The following NDFIP2 variants were observed in gnomAD, a reference collection of about 807,000 sequenced individuals.
NDFIP2 encodes the protein Nedd4 family interacting protein 2.
NDFIP2 carries 19 observed loss-of-function variants against 36.0 expected under a neutral mutation model. That is an observed-to-expected ratio of 0.53 (90% CI 0.37 to 0.77). The LOEUF is 0.77. Among genes scored for constraint, NDFIP2 ranks in the 30% least tolerant of loss-of-function variants. The pLI, the probability that NDFIP2 is intolerant of heterozygous loss-of-function variation, is 0.00. For missense variants in NDFIP2, 446 were observed against 435.8 expected (o/e 1.02, Z -0.21); for synonymous variants, 181 against 167.7 (o/e 1.08, Z -0.61).
chr13:79,517,157 C>G (rs1874381909), intron 1 of NDFIP2, among the ~76,000 whole-genome samples: 1 of 152,046 alleles, frequency 6.6e-6, no homozygotes, highest in Non-Finnish European at 1.5e-5. Flanking sequence ...TTTTCACCAC[C>G]CTGGTTGATA....
chr13:79,546,144 A>G (rs1875668581), intron 5 of NDFIP2, among the ~76,000 whole-genome samples: 1 of 152,214 alleles, frequency 6.6e-6, no homozygotes, highest in African/African-American at 2.4e-5. Flanking sequence ...TAATGCTCCA[A>G]GTAAAACATT....
intron 1 of NDFIP2, among the ~76,000 whole-genome samples, chr13:79,518,586 T>C (rs560444782): frequency 6.6e-6 from 1 of 152,324 alleles, no homozygotes; most frequent in African/African-American, 2.4e-5. Flanking sequence ...TTTAAGGTGA[T>C]GAAATAAACT....
chr13:79,531,133 G>A (rs1421719871), intron 2 of NDFIP2, among the ~76,000 whole-genome samples: 1 of 152,170 alleles, frequency 6.6e-6, no homozygotes, highest in Non-Finnish European at 1.5e-5. Context: ...TAATCTTCTT[G>A]TACATCTCCT....
At position 79,481,295 on chromosome 13, in the gene NDFIP2, C is replaced by T. The variant is rs1404523122; in HGVS notation, c.92C>T (p.Ala31Val). The T allele has an allele frequency of 6.5e-7, 1 of 1,540,154 alleles. No homozygotes were observed. The highest frequency in any genetic ancestry group is 1.2e-5 in the South Asian group (1 of 83,998). Residue 31 changes from alanine to valine, a missense_variant, in exon 1 of 8, where the codon GCG (alanine) becomes GTG (valine). Physicochemically the swap from Ala to Val is moderately conservative, Grantham distance 64. This residue lies in a region of NDFIP2 where 369 missense variants were observed against 304.8 expected (regional missense o/e 1.21). Coordinates refer to ENST00000218652, the MANE Select transcript of NDFIP2 (RefSeq NM_019080.3). ...GCCCCGGAGCTTCTCCGCGGAACCG[C>T]GACCAACGCGGAGGTCTCGGCGGCC... ...RGAPELLRGT[A>V]TNAEVSAAAA...
At chr13:79,537,778 C>T (rs1875300075) in intron 3 of NDFIP2, among the ~76,000 whole-genome samples, 1 of 152,180 alleles carries the variant, frequency 6.6e-6, no homozygotes, top group Non-Finnish European at 1.5e-5. Flanking sequence ...TTGAGCAGAG[C>T]CCTAGCTTCT....
intron 1 of NDFIP2, among the ~76,000 whole-genome samples, chr13:79,482,595 G>T (rs947035111): frequency 6.7e-6 from 1 of 149,290 alleles, no homozygotes; most frequent in African/African-American, 2.5e-5. Context: ...TTAGTCCCAG[G>T]TTTCAACTTT....
chr13:79,552,649 A>G lies in NDFIP2; in HGVS notation c.*136A>G, dbSNP rs954851248. 4.6e-5 allele frequency: 7 copies of G among 151,892 alleles called. No homozygotes were observed. The highest frequency in any genetic ancestry group is 1.7e-4 in the African/African-American group (7 of 41,400). 9.4% of individuals were successfully genotyped at this position (151,892 alleles called of 1,614,324 possible). A position where few individuals can be genotyped will look rare whatever the true frequency, so the allele number is the denominator to read the frequency against. The stretch of plus-strand genomic sequence containing the variant: ...AGAAAAGACGGAGTTTCGAAATTGA[A>G]TGGCAGGGTGGTTTTTGCTTACAAG... On this transcript the variant is annotated 3_prime_UTR_variant, in exon 8 of 8. Coordinates refer to ENST00000218652, the MANE Select transcript of NDFIP2 (RefSeq NM_019080.3).
intron 1 of NDFIP2, among the ~76,000 whole-genome samples, chr13:79,481,863 C>T (rs2079815672): frequency 1.3e-5 from 2 of 152,134 alleles, no homozygotes; most frequent in African/African-American, 4.8e-5. Flanking sequence ...CTCAGTCACT[C>T]CTGAGACATT....
chr13:79,527,695 T>C (rs1418642803), intron 2 of NDFIP2, among the ~76,000 whole-genome samples: 2 of 152,262 alleles, frequency 1.3e-5, no homozygotes, highest in Non-Finnish European at 2.9e-5. Context: ...GTAATGACTA[T>C]ATTACTGATT....
chr13:79,556,013 TTGTA>T lies in NDFIP2; in HGVS notation c.*3504_*3507del, dbSNP rs1876097472. On this transcript the variant is annotated 3_prime_UTR_variant, in exon 8 of 8. Transcript: ENST00000218652. ...CAACATCTTTTAACTTCTCAGTTAT[TTGTA>T]TGTCAGGAGACAGATTGTGGTTTAA... 6.6e-6 allele frequency: 1 copy of T among 152,166 alleles called. No homozygotes were observed. Among genetic ancestry groups the T allele is most frequent in the Non-Finnish European group, 1.5e-5 (1 of 68,004 alleles). 9.4% of individuals were successfully genotyped at this position (152,166 alleles called of 1,614,324 possible).
intron 3 of NDFIP2, among the ~76,000 whole-genome samples, chr13:79,535,493 C>T (rs1875199622): frequency 6.6e-6 from 1 of 152,148 alleles, no homozygotes; most frequent in Non-Finnish European, 1.5e-5. Context: ...GGAACATGTC[C>T]ATAAAGAAAA....
At chr13:79,514,261 GTTC>G (rs1874187287) in intron 1 of NDFIP2, among the ~76,000 whole-genome samples, 1 of 152,140 alleles carries the variant, frequency 6.6e-6, no homozygotes, top group Non-Finnish European at 1.5e-5. Context: ...TGTTAGCAAG[GTTC>G]TTCTCTCTCA....
At chr13:79,504,948 C>T (rs1873804412) in intron 1 of NDFIP2, among the ~76,000 whole-genome samples, 1 of 152,090 alleles carries the variant, frequency 6.6e-6, no homozygotes, top group Admixed American at 6.6e-5. Flanking sequence ...TATTTTGAGG[C>T]TCAGATTATC....
intron 1 of NDFIP2, among the ~76,000 whole-genome samples, chr13:79,514,938 T>C (rs1436258251): frequency 6.6e-6 from 1 of 152,228 alleles, no homozygotes; most frequent in African/African-American, 2.4e-5. Context: ...TTGGAGCTCA[T>C]GGTGCTCTTT....
intron 1 of NDFIP2, among the ~76,000 whole-genome samples, chr13:79,505,209 C>G (rs1873814466): frequency 6.6e-6 from 1 of 152,198 alleles, no homozygotes. Context: ...TGAACATTTT[C>G]TCACAGAATT....
chr13:79,543,102 C>T (rs770259190), intron 4 of NDFIP2, among the ~76,000 whole-genome samples: 2 of 152,170 alleles, frequency 1.3e-5, no homozygotes, highest in Non-Finnish European at 2.9e-5. Flanking sequence ...GTCTCGAACT[C>T]CTGACCTCAG....
At chr13:79,482,956 A>G (rs1038750604) in intron 1 of NDFIP2, among the ~76,000 whole-genome samples, 1 of 152,234 alleles carries the variant, frequency 6.6e-6, no homozygotes, top group African/African-American at 2.4e-5. Flanking sequence ...AATGATATAA[A>G]TATTGAATAA....
At chr13:79,527,384 C>T (rs1273277401) in intron 2 of NDFIP2, among the ~76,000 whole-genome samples, 7 of 152,106 alleles carry the variant, frequency 4.6e-5, no homozygotes, top group Admixed American at 1.3e-4. Context: ...AACATTTCCA[C>T]GTAAAGGAAA....
At chr13:79,499,489 C>A (rs1873572507) in intron 1 of NDFIP2, among the ~76,000 whole-genome samples, 1 of 150,464 alleles carries the variant, frequency 6.6e-6, no homozygotes, top group Non-Finnish European at 1.5e-5. Context: ...ATTGACAAAC[C>A]AAAATAAAAC....
Sources: gnomAD v4.1 joint callset for allele counts (sites outside exome capture counted in the v4.1 genomes callset) on GRCh38, gnomAD v4.1.1 for gene constraint, gnomAD v4.1.1 regional missense constraint, MANE v1.5 for transcripts, NCBI Gene and HGNC (gene_info 2026-07-23, HGNC 2026-07-21) for gene names.